Variants in ADGRL3 observed in about 807,000 individuals in gnomAD.
ADGRL3 encodes the protein adhesion G protein-coupled receptor L3, also known as calcium-independent alpha-latrotoxin receptor 3.
In ADGRL3, 62 loss-of-function variants were observed where a neutral mutation model predicts 153.5. The observed-to-expected ratio is 0.40, with a 90% confidence interval of 0.33 to 0.50. The LOEUF (loss-of-function observed/expected upper bound fraction) is 0.50. Ranked by LOEUF, ADGRL3 falls within the 20% of genes least tolerant of loss-of-function variation. The pLI is 0.47. For synonymous variants in ADGRL3, 710 were observed against 672.5 expected (o/e 1.06, Z -0.86); for missense variants, 1,641 against 1,859.4 (o/e 0.88, Z 2.16).
intron 8 of ADGRL3, among the ~76,000 whole-genome samples, chr4:61,763,177 G>A (rs899892140): frequency 2.6e-4 from 38 of 147,368 alleles, no homozygotes; most frequent in East Asian, 1.4e-3. Context: ...ATTTTTAACC[G>A]TTAGTAACAT....
chr4:61,353,600 A>ATTTTTTTTTTTT (rs34199193), intron 1 of ADGRL3, among the ~76,000 whole-genome samples: 4 of 118,840 alleles, frequency 3.4e-5, no homozygotes, highest in Non-Finnish European at 6.6e-5. Flanking sequence ...TTTTCTTTCA[A>ATTTTTTTTTTTT]TTTTTTTTTT....
At chr4:61,205,675 T>TG (rs1163241386) in intron 1 of ADGRL3, among the ~76,000 whole-genome samples, 5 of 152,222 alleles carry the variant, frequency 3.3e-5, no homozygotes, top group Non-Finnish European at 7.3e-5. Context: ...AAGTAAAACT[T>TG]GCAAGTATGA....
chr4:61,853,288 T>C (rs985269112), intron 9 of ADGRL3, among the ~76,000 whole-genome samples: 1 of 152,160 alleles, frequency 6.6e-6, no homozygotes, highest in African/African-American at 2.4e-5. Flanking sequence ...GACATTCCTA[T>C]CGCTCATGAA....
chr4:61,581,222 T>C (rs1020958474), intron 4 of ADGRL3, among the ~76,000 whole-genome samples: 2 of 151,874 alleles, frequency 1.3e-5, no homozygotes, highest in African/African-American at 2.4e-5. Context: ...AAAACTCCCT[T>C]TATGGGAGTC....
At chr4:61,660,240 A>G (rs1185994276) in intron 5 of ADGRL3, among the ~76,000 whole-genome samples, 1 of 152,144 alleles carries the variant, frequency 6.6e-6, no homozygotes, top group African/African-American at 2.4e-5. Flanking sequence ...TTTCCTCTAC[A>G]GTTTCCCACA....
At chr4:61,647,565 C>T (rs1228794181) in intron 5 of ADGRL3, among the ~76,000 whole-genome samples, 9 of 151,818 alleles carry the variant, frequency 5.9e-5, no homozygotes, top group African/African-American at 1.9e-4. Context: ...TCCTGGTAGG[C>T]GTGCCATTCA....
intron 1 of ADGRL3, among the ~76,000 whole-genome samples, chr4:61,216,129 G>A (rs527524775): frequency 9.2e-5 from 14 of 151,986 alleles, no homozygotes; most frequent in Non-Finnish European, 1.9e-4. Flanking sequence ...TTCTTCCTTC[G>A]TTAAGAGCTA....
rs1035679879 is a variant in ADGRL3 at position 61,386,973 on chromosome 4, A to C, written c.-174+3784A>C. ...ACATAAAGTTGTGAAAATATCACCA[A>C]AATCAAGATCTAGAACGTATATAGG... On this transcript the variant is annotated intron_variant, in intron 2 of 26. Coordinates refer to ENST00000683033, the MANE Select transcript of ADGRL3 (RefSeq NM_001387552.1). 3.4e-4 allele frequency among the ~76,000 whole-genome samples: 51 copies of C among 152,188 alleles called. 1 individual carries two copies. Among genetic ancestry groups the C allele is most frequent in the African/African-American group, 1.2e-3 (51 of 41,450 alleles).
At chr4:61,916,673 A>T (rs1031434096) in intron 13 of ADGRL3, among the ~76,000 whole-genome samples, 1 of 152,142 alleles carries the variant, frequency 6.6e-6, no homozygotes. Flanking sequence ...GTGATTTGTT[A>T]TTAAGAATAA....
intron 2 of ADGRL3, among the ~76,000 whole-genome samples, chr4:61,467,469 G>T (rs1404483111): frequency 6.6e-6 from 1 of 151,590 alleles, no homozygotes; most frequent in African/African-American, 2.4e-5. Flanking sequence ...TTGCATTTCA[G>T]ATGTGGGTGT....
intron 25 of ADGRL3, among the ~76,000 whole-genome samples, chr4:62,047,876 G>A (rs1241164843): frequency 1.3e-5 from 2 of 152,038 alleles, no homozygotes; most frequent in East Asian, 1.9e-4. Context: ...TAACTTTAGC[G>A]ATCCAACTAT....
chr4:61,475,184 C>T (rs1457516994), intron 2 of ADGRL3, among the ~76,000 whole-genome samples: 1 of 152,076 alleles, frequency 6.6e-6, no homozygotes, highest in Non-Finnish European at 1.5e-5. Context: ...TCTGTAGTAG[C>T]CTTTATTGCA....
At chr4:61,314,968 C>T (rs1198484285) in intron 1 of ADGRL3, among the ~76,000 whole-genome samples, 9 of 152,282 alleles carry the variant, frequency 5.9e-5, no homozygotes. Context: ...TCAATGGATA[C>T]TTACCGGATA....
rs553393025 is a variant in ADGRL3, at chr4:61,294,091, G to A, written c.-239-89033G>A. ...TACACATTCAGTAGAAACCACTTTCGAAAATACTTCGAAATTGGAATTTTG... is the reference window on the plus strand; with the variant it reads ...TACACATTCAGTAGAAACCACTTTCAAAAATACTTCGAAATTGGAATTTTG... On this transcript the variant is annotated intron_variant, in intron 1 of 26. Coordinates refer to ENST00000683033, the MANE Select transcript of ADGRL3 (RefSeq NM_001387552.1). Among the ~76,000 whole-genome samples the A allele has an allele frequency of 4.6e-5, 7 of 152,204 alleles. 1 individual carries two copies. The highest frequency in any genetic ancestry group is 2.1e-4 in the South Asian group (1 of 4,822).
chr4:61,896,255 A>G (rs2098630964), intron 11 of ADGRL3, among the ~76,000 whole-genome samples: 2 of 151,198 alleles, frequency 1.3e-5, no homozygotes, highest in Admixed American at 6.6e-5. Flanking sequence ...AATGATAAAA[A>G]TATACACATG....
intron 4 of ADGRL3, among the ~76,000 whole-genome samples, chr4:61,567,314 G>C (rs2098820270): frequency 6.6e-6 from 1 of 152,178 alleles, no homozygotes; most frequent in African/African-American, 2.4e-5. Context: ...TAGCTGCTAA[G>C]TTCTGAATGT....
intron 1 of ADGRL3, among the ~76,000 whole-genome samples, chr4:61,287,919 A>G (rs183352526): frequency 7.3e-4 from 111 of 152,086 alleles, no homozygotes; most frequent in Admixed American, 1.4e-3. Flanking sequence ...GAGACTATCT[A>G]TGGGTTGAGC....
intron 8 of ADGRL3, among the ~76,000 whole-genome samples, chr4:61,753,797 T>C (rs1470465687): frequency 6.6e-6 from 1 of 152,220 alleles, no homozygotes; most frequent in Non-Finnish European, 1.5e-5. Context: ...TTTTCCTCAT[T>C]ATTTACATTA....
Position 61,856,950 on chromosome 4 carries a change from C to CCCTTTCTTTCTTTCTT in ADGRL3, c.1481-35706_1481-35705insCCTTTCTTTCTTTCTT, listed in dbSNP as rs1554048270. ...CCCTCCCTCCTCCCTCTTTCTTCTTCTCTTTCTTTCTTTCTTTCTTTCTTT... is the reference window on the plus strand; with the variant it reads ...CCCTCCCTCCTCCCTCTTTCTTCTTCCCTTTCTTTCTTTCTTTCTTTCTTTCTTTCTTTCTTTCTTT... On this transcript the variant is annotated intron_variant, in intron 9 of 26. Transcript: ENST00000683033. Among the ~76,000 whole-genome samples the CCCTTTCTTTCTTTCTT allele has an allele frequency of 4.0e-4, 23 of 56,970 alleles. 1 individual carries two copies. Among genetic ancestry groups the CCCTTTCTTTCTTTCTT allele is most frequent in the Non-Finnish European group, 2.8e-4 (8 of 28,308 alleles). 37.4% of individuals were successfully genotyped at this position (56,970 alleles called of 152,430 possible).
Sources: allele counts gnomAD v4.1 joint callset (sites outside exome capture counted in the v4.1 genomes callset), GRCh38; gene constraint gnomAD v4.1.1; transcripts MANE v1.5; gene names NCBI Gene and HGNC (gene_info 2026-07-23, HGNC 2026-07-21).